PHLDB2: variants seen among roughly 807,000 people sequenced by gnomAD.
PHLDB2 encodes pleckstrin homology like domain family B member 2, also known as pleckstrin homology-like domain family B member 2.
Under a neutral mutation model 123.6 loss-of-function variants are expected in PHLDB2, and 71 were observed. That is an observed-to-expected ratio of 0.57 (90% CI 0.47 to 0.70). The LOEUF is 0.70. PHLDB2 is among the 30% of genes least tolerant of loss of function. The pLI is 0.00. For missense variants in PHLDB2, 1,446 were observed against 1,519.5 expected (o/e 0.95, Z 0.80); for synonymous variants, 547 against 541.6 (o/e 1.01, Z -0.14).
intron 9 of PHLDB2, among the ~76,000 whole-genome samples, chr3:111,948,516 A>G (rs1293654467): frequency 6.6e-6 from 1 of 152,228 alleles, no homozygotes; most frequent in African/African-American, 2.4e-5. Flanking sequence ...TTTGTCGGAA[A>G]GGCTCTTTAA....
chr3:111,816,389 G>A (rs368206706), intron 1 of PHLDB2, among the ~76,000 whole-genome samples: 1 of 152,324 alleles, frequency 6.6e-6, no homozygotes, highest in African/African-American at 2.4e-5. Flanking sequence ...AAAGCCATAG[G>A]GGCAGAGCTT....
intron 1 of PHLDB2, among the ~76,000 whole-genome samples, chr3:111,808,023 G>A (rs956537721): frequency 6.7e-5 from 10 of 149,214 alleles, no homozygotes; most frequent in Non-Finnish European, 1.5e-4. Flanking sequence ...AGAGTCACCT[G>A]GGGAGTGTTA....
At chr3:111,952,437 A>T (rs712517) in intron 10 of PHLDB2, 135 bp from the exon 11 acceptor site, 1 of 877,012 alleles carries the variant, frequency 1.1e-6, no homozygotes. Context: ...AGTGAACACA[A>T]TATATGTTGA....
At chr3:111,840,204 A>T (rs1188188730) in intron 1 of PHLDB2, among the ~76,000 whole-genome samples, 2 of 151,926 alleles carry the variant, frequency 1.3e-5, no homozygotes, top group African/African-American at 2.4e-5. Context: ...ATGAGCTATG[A>T]TTGCACCACT....
Position 111,859,322 on chromosome 3 carries a change from C to A in PHLDB2, c.-269C>A. On this transcript the variant is annotated 5_prime_UTR_variant, in exon 1 of 18. Transcript: ENST00000431670. ...TGGCGCCCAGTGATGGGGCAAACAG[C>A]CATGCCCTTCCAGCAGCCGTGAAAG... 1 of 985,572 alleles carries A rather than the reference C, an allele frequency of 1.0e-6. No homozygotes were observed. Among genetic ancestry groups the A allele is most frequent in the Non-Finnish European group, 1.2e-6 (1 of 830,032 alleles). The allele number at this position is 985,572 out of a possible 1,614,324, so 61.1% of individuals were successfully genotyped here.
chr3:111,866,778 C>G (rs147226942), intron 1 of PHLDB2, among the ~76,000 whole-genome samples: 391 of 152,266 alleles, frequency 2.6e-3, no homozygotes, highest in African/African-American at 9.2e-3. Flanking sequence ...AGTTAGTTAT[C>G]CCATGATTCT....
chr3:111,780,309 G>GAGGAAGAAGAGGAA (rs1559827108), intron 1 of PHLDB2, among the ~76,000 whole-genome samples: 2 of 6,870 alleles, frequency 2.9e-4, no homozygotes, highest in Middle Eastern at 0.083. Flanking sequence ...AAGAGGAAGA[G>GAGGAAGAAGAGGAA]GAAGAGGAAG....
intron 2 of PHLDB2, among the ~76,000 whole-genome samples, chr3:111,893,384 A>G (rs2066617734): frequency 6.6e-6 from 1 of 152,140 alleles, no homozygotes; most frequent in Non-Finnish European, 1.5e-5. Flanking sequence ...TATTAAAAAA[A>G]TGGCTGCACT....
chr3:111,829,068 T>G (rs1174823288), intron 1 of PHLDB2, among the ~76,000 whole-genome samples: 4 of 152,170 alleles, frequency 2.6e-5, no homozygotes, highest in Admixed American at 1.3e-4. Context: ...TTTTTCTGAG[T>G]AGCTAAGTGA....
chr3:111,898,182 T>TTGTGTGTGTGTGTGTGTGTGTGTG (rs58183787), intron 2 of PHLDB2, among the ~76,000 whole-genome samples: 2 of 142,542 alleles, frequency 1.4e-5, no homozygotes, highest in African/African-American at 2.7e-5. Context: ...GTGTGTGTGT[T>TTGTGTGTGTGTGTGTGTGTGTGTG]TGTGTGTGTG....
upstream of PHLDB2, among the ~76,000 whole-genome samples, chr3:111,855,660 A>G (rs1192094947): frequency 8.8e-6 from 1 of 114,202 alleles, no homozygotes; most frequent in African/African-American, 3.5e-5. Flanking sequence ...TTTTGGCGAC[A>G]AGGTCTCACT....
chr3:111,893,947 A>G (rs985197909), intron 2 of PHLDB2, among the ~76,000 whole-genome samples: 15 of 139,280 alleles, frequency 1.1e-4, no homozygotes, highest in African/African-American at 3.2e-4. Context: ...TTTAGGGTAC[A>G]TGTGCACATT....
intron 1 of PHLDB2, among the ~76,000 whole-genome samples, chr3:111,816,180 G>A (rs1174782185): frequency 6.6e-6 from 1 of 152,238 alleles, no homozygotes; most frequent in Non-Finnish European, 1.5e-5. Flanking sequence ...CTAGGGCAGT[G>A]CAGAAGGGAA....
At chr3:111,922,211 A>G (rs1282967) in intron 5 of PHLDB2, among the ~76,000 whole-genome samples, 1 of 152,204 alleles carries the variant, frequency 6.6e-6, no homozygotes, top group African/African-American at 2.4e-5. Context: ...ATCCTAATCC[A>G]TGTAGTTATT....
At chr3:111,822,003 G>A (rs1559849311) in intron 1 of PHLDB2, among the ~76,000 whole-genome samples, 1 of 152,082 alleles carries the variant, frequency 6.6e-6, no homozygotes, top group East Asian at 1.9e-4. Flanking sequence ...TAACCTCTGT[G>A]GGGTAGCAGC....
At chr3:111,911,961 T>C (rs947074114) in intron 2 of PHLDB2, among the ~76,000 whole-genome samples, 4 of 152,222 alleles carry the variant, frequency 2.6e-5, no homozygotes, top group African/African-American at 9.6e-5. Flanking sequence ...TCTTGTAAAG[T>C]TTGTCTTTAC....
chr3:111,963,759 T>C lies in PHLDB2; in HGVS notation c.3077+1447T>C, dbSNP rs1184311828. ...CATTAATAGGCTTATAATTTGGGAA[T>C]ATTTTAGTACATAAGTTAAAAACAA... On this transcript the variant is annotated intron_variant, in intron 13 of 17. Transcript: ENST00000431670. Among the ~76,000 whole-genome samples the C allele has an allele frequency of 3.3e-5, 5 of 152,368 alleles. No homozygotes were observed. In the South Asian group the frequency reaches 1.0e-3, roughly 32 times the overall value.
chr3:111,740,152 AT>A (rs1337399294), intron 1 of PHLDB2, among the ~76,000 whole-genome samples: 6 of 152,168 alleles, frequency 3.9e-5, no homozygotes, highest in African/African-American at 1.4e-4. Context: ...TGATATCATC[AT>A]GGCTCACACG....
intron 1 of PHLDB2, among the ~76,000 whole-genome samples, chr3:111,740,582 A>G (rs1187626417): frequency 1.3e-5 from 2 of 152,190 alleles, no homozygotes; most frequent in Admixed American, 1.3e-4. Flanking sequence ...ACTTCTTCTT[A>G]GGTAGTCTCT....
Sources: gnomAD v4.1 joint callset for allele counts (sites outside exome capture counted in the v4.1 genomes callset) on GRCh38, gnomAD v4.1.1 for gene constraint, MANE v1.5 for transcripts, NCBI Gene and HGNC (gene_info 2026-07-23, HGNC 2026-07-21) for gene names.